The following ROBO1 variants were observed in gnomAD, a reference collection of about 807,000 sequenced individuals.
ROBO1 encodes the protein roundabout guidance receptor 1, also known as roundabout homolog 1.
Under a neutral mutation model 195.9 loss-of-function variants are expected in ROBO1, and 149 were observed. That is an observed-to-expected ratio of 0.76 (90% CI 0.67 to 0.87). ROBO1 has a LOEUF of 0.87. Among genes scored for constraint, ROBO1 ranks in the 40% least tolerant of loss-of-function variants. ROBO1 has a pLI of 0.00. For synonymous variants in ROBO1, 816 were observed against 733.2 expected (o/e 1.11, Z -1.82); for missense variants, 1,933 against 2,068.3 (o/e 0.93, Z 1.27).
chr3:78,976,506 G>A (rs1157287501), intron 3 of ROBO1, among the ~76,000 whole-genome samples: 2 of 152,022 alleles, frequency 1.3e-5, no homozygotes, highest in Non-Finnish European at 2.9e-5. Context: ...CTATATTTTC[G>A]GACAGAGCTT....
intron 14 of ROBO1, among the ~76,000 whole-genome samples, chr3:78,664,413 A>AG (rs1707615589): frequency 6.6e-6 from 1 of 152,192 alleles, no homozygotes; most frequent in African/African-American, 2.4e-5. Flanking sequence ...ATACACAGAC[A>AG]GGGCACATGG....
chr3:79,741,363 G>T (rs183269434), intron 1 of ROBO1, among the ~76,000 whole-genome samples: 173 of 152,142 alleles, frequency 1.1e-3, no homozygotes, highest in Non-Finnish European at 2.2e-3. Flanking sequence ...TTCTATTTCA[G>T]TCTATATATA....
intron 2 of ROBO1, among the ~76,000 whole-genome samples, chr3:79,342,798 C>A (rs1559831773): frequency 6.6e-6 from 1 of 152,160 alleles, no homozygotes; most frequent in Non-Finnish European, 1.5e-5. Context: ...TCCCCAGTAT[C>A]AACATCCCTT....
chr3:78,849,816 GTC>G (rs71895018), intron 4 of ROBO1, among the ~76,000 whole-genome samples: 29,402 of 131,670 alleles, frequency 0.22, 3,459 homozygotes, highest in Non-Finnish European at 0.26. Flanking sequence ...TTTACAGTCA[GTC>G]TCTCTCTCCC....
intron 2 of ROBO1, among the ~76,000 whole-genome samples, chr3:79,341,640 G>T (rs1045262949): frequency 2.0e-5 from 3 of 151,670 alleles, no homozygotes; most frequent in African/African-American, 7.3e-5. Flanking sequence ...CACTGTGCCT[G>T]GCTTCTACTG....
intron 23 of ROBO1, chr3:78,634,458 C>T (rs1705372061): frequency 3.3e-6 from 1 of 307,232 alleles, no homozygotes; most frequent in South Asian, 2.8e-5. Context: ...AAATGATAAG[C>T]TTGCCACTGG....
rs191481736 is a variant in ROBO1 at position 79,055,772 on chromosome 3, G to T, written c.172+69684C>A. ...ATTACTGTAAAAGAAGACAGGGCTGGTTTAGGTTACCCTTTTTAATGGCGG... is the reference window on the plus strand; with the variant it reads ...ATTACTGTAAAAGAAGACAGGGCTGTTTTAGGTTACCCTTTTTAATGGCGG... On this transcript the variant is annotated intron_variant, in intron 3 of 30. Transcript: ENST00000464233. Among the ~76,000 whole-genome samples the T allele has an allele frequency of 4.6e-4, 70 of 152,168 alleles. 1 individual carries two copies. The highest frequency in any genetic ancestry group is 6.0e-4 in the Non-Finnish European group (41 of 67,992).
At chr3:79,288,459 C>T (rs1394333203) in intron 2 of ROBO1, among the ~76,000 whole-genome samples, 1 of 152,162 alleles carries the variant, frequency 6.6e-6, no homozygotes, top group Non-Finnish European at 1.5e-5. Context: ...TGCTTCAGAA[C>T]ATTCTAAACT....
At chr3:79,016,187 G>A (rs1417525257) in intron 3 of ROBO1, among the ~76,000 whole-genome samples, 1 of 152,170 alleles carries the variant, frequency 6.6e-6, no homozygotes, top group Non-Finnish European at 1.5e-5. Flanking sequence ...AATCGATAGT[G>A]TTGCTTTATA....
chr3:79,629,558 C>T (rs1270162640), intron 1 of ROBO1, among the ~76,000 whole-genome samples: 1 of 151,800 alleles, frequency 6.6e-6, no homozygotes, highest in Admixed American at 6.6e-5. Flanking sequence ...CTCAAATTAA[C>T]AAACCAATGT....
chr3:79,720,938 G>A (rs140061149), intron 1 of ROBO1, among the ~76,000 whole-genome samples: 3 of 151,810 alleles, frequency 2.0e-5, no homozygotes, highest in African/African-American at 4.8e-5. Context: ...GACTACAGGC[G>A]CCCGCCACCG....
intron 1 of ROBO1, among the ~76,000 whole-genome samples, chr3:79,728,214 C>A (rs1387740308): frequency 6.6e-6 from 1 of 151,848 alleles, no homozygotes; most frequent in Non-Finnish European, 1.5e-5. Flanking sequence ...TCCTAGTACT[C>A]CACTCTCTAT....
intron 4 of ROBO1, among the ~76,000 whole-genome samples, chr3:78,905,978 G>A (rs182978206): frequency 9.2e-5 from 14 of 152,262 alleles, no homozygotes; most frequent in Middle Eastern, 3.4e-3. Flanking sequence ...CTGTCAAGGT[G>A]AGGTATGATG....
chr3:79,109,067 T>A (rs1234404652), intron 3 of ROBO1, among the ~76,000 whole-genome samples: 1 of 151,922 alleles, frequency 6.6e-6, no homozygotes, highest in Non-Finnish European at 1.5e-5. Flanking sequence ...GGACTGTATC[T>A]TTAAAACTAA....
intron 24 of ROBO1, among the ~76,000 whole-genome samples, chr3:78,631,596 C>T (rs1399334928): frequency 6.6e-6 from 1 of 152,106 alleles, no homozygotes; most frequent in African/African-American, 2.4e-5. Flanking sequence ...TATGGATTAT[C>T]ATCTCAAACA....
At chr3:78,769,396 G>A (rs768866377) in intron 4 of ROBO1, among the ~76,000 whole-genome samples, 18 of 152,016 alleles carry the variant, frequency 1.2e-4, no homozygotes, top group Non-Finnish European at 2.9e-5. Context: ...GCTCGCTTTT[G>A]GTGTCCATTT....
At chr3:79,182,007 T>G (rs2108733713) in intron 2 of ROBO1, among the ~76,000 whole-genome samples, 1 of 151,582 alleles carries the variant, frequency 6.6e-6, no homozygotes, top group African/African-American at 2.4e-5. Context: ...TATATATATT[T>G]ATAATGTGGT....
chr3:79,600,205 T>C lies in ROBO1; in HGVS notation c.-50-10244A>G, dbSNP rs186446570. 9.7e-4 allele frequency among the ~76,000 whole-genome samples: 148 copies of C among 152,128 alleles called. 1 individual carries two copies. The highest frequency in any genetic ancestry group is 3.5e-3 in the African/African-American group (145 of 41,544). The stretch of plus-strand genomic sequence containing the variant: ...AAAGTGAATTCAGTTGCAGACGTAT[T>C]TTTCTGAACAATATCATCATTCAAG... On this transcript the variant is annotated intron_variant, in intron 1 of 30. Coordinates refer to ENST00000464233, the MANE Select transcript of ROBO1 (RefSeq NM_002941.4).
intron 1 of ROBO1, among the ~76,000 whole-genome samples, chr3:79,723,080 A>G (rs1301963074): frequency 6.6e-6 from 1 of 152,222 alleles, no homozygotes; most frequent in African/African-American, 2.4e-5. Flanking sequence ...TATAATTAGT[A>G]TTATAAATTT....
Sources: gnomAD v4.1 joint callset for allele counts (sites outside exome capture counted in the v4.1 genomes callset) on GRCh38, gnomAD v4.1.1 for gene constraint, MANE v1.5 for transcripts, NCBI Gene and HGNC (gene_info 2026-07-23, HGNC 2026-07-21) for gene names.